The following MIAT variants were observed in gnomAD, a reference collection of about 807,000 sequenced individuals.
The protein encoded by MIAT is myocardial infarction associated transcript, also known as MI related novel mRNA.
rs184712736 is a variant in MIAT, at chr22:26,661,416, C to T, written n.647-1900C>T. The stretch of plus-strand genomic sequence containing the variant: ...GCCAGGTGGGCCCCTCTGGAAGCTA[C>T]CAGATGAGTCATGGAAGGGAGGCGG... On this transcript the variant is annotated intron_variant and non_coding_transcript_variant, in intron 2 of 5. Transcript: ENST00000643270. Among the ~76,000 whole-genome samples, 313 of 152,174 alleles carry T rather than the reference C, an allele frequency of 2.1e-3. 1 individual carries two copies. The highest frequency in any genetic ancestry group is 3.2e-3 in the Admixed American group (49 of 15,296).
chr22:26,646,760 A>T, exon 1 of MIAT: 1 of 398,676 alleles, frequency 2.5e-6, no homozygotes, highest in Non-Finnish European at 4.4e-6. Context: ...TATTTGCCCC[A>T]AACTGTCTTA....
downstream of MIAT, chr22:26,674,050 ACC>A (rs1158409526): frequency 1.0e-5 from 4 of 398,484 alleles, no homozygotes; most frequent in Non-Finnish European, 1.8e-5. Flanking sequence ...GTATAGAGTC[ACC>A]CTTCCCCAGG....
At chr22:26,663,643 G>A in intron 3 of MIAT, 1 of 370,962 alleles carries the variant, frequency 2.7e-6, no homozygotes, top group Non-Finnish European at 4.8e-6. Flanking sequence ...GCTCACAACT[G>A]GTTCTTTGTG....
At chr22:26,655,275 A>G (rs1355289985) in intron 2 of MIAT, among the ~76,000 whole-genome samples, 3 of 152,076 alleles carry the variant, frequency 2.0e-5, no homozygotes, top group Non-Finnish European at 4.4e-5. Context: ...TTGGGTTTGT[A>G]TTTTCTGAAG....
intron 2 of MIAT, among the ~76,000 whole-genome samples, chr22:26,652,271 C>A (rs759509776): frequency 6.6e-6 from 1 of 152,228 alleles, no homozygotes; most frequent in Non-Finnish European, 1.5e-5. Context: ...CTCAACCTGA[C>A]AAAGCGTTGG....
At chr22:26,652,356 A>G (rs1930350785) in intron 2 of MIAT, among the ~76,000 whole-genome samples, 1 of 150,176 alleles carries the variant, frequency 6.7e-6, no homozygotes, top group African/African-American at 2.5e-5. Flanking sequence ...TTATTTATTC[A>G]TTCATTTATT....
chr22:26,669,565 A>G (rs1930969912), exon 6 of MIAT: 1 of 398,574 alleles, frequency 2.5e-6, no homozygotes, highest in African/African-American at 2.1e-5. Context: ...TAAAGGTCCC[A>G]TCTCCAAAAA....
At chr22:26,665,436 T>C in intron 3 of MIAT, 1 of 398,692 alleles carries the variant, frequency 2.5e-6, no homozygotes, top group African/African-American at 2.1e-5. Context: ...CTCCATCACC[T>C]TATTAATATC....
chr22:26,669,431 C>T (rs1220372352), exon 6 of MIAT: 1 of 398,638 alleles, frequency 2.5e-6, no homozygotes, highest in Non-Finnish European at 4.4e-6. Flanking sequence ...CCTCACATGG[C>T]CTTTTCTCTG....
intron 2 of MIAT, among the ~76,000 whole-genome samples, chr22:26,648,207 G>A (rs992835243): frequency 2.6e-5 from 4 of 152,250 alleles, no homozygotes; most frequent in African/African-American, 9.6e-5. Context: ...CTGCTGGGGC[G>A]ACTGGGAGGG....
intron 4 of MIAT, chr22:26,666,975 G>T: frequency 2.5e-6 from 1 of 398,520 alleles, no homozygotes. Context: ...AGGGAGGGAG[G>T]TCACATGGAG....
intron 2 of MIAT, among the ~76,000 whole-genome samples, chr22:26,649,319 C>T (rs949204459): frequency 3.3e-5 from 5 of 152,292 alleles, no homozygotes; most frequent in African/African-American, 7.2e-5. Context: ...ATTCACTGCC[C>T]GCCCTGGCTG....
At chr22:26,672,449 T>TAA (rs1176792893), downstream of MIAT, 1 of 399,258 alleles carries the variant, frequency 2.5e-6, no homozygotes, top group Non-Finnish European at 4.4e-6. Flanking sequence ...GGCTGGACTC[T>TAA]GAGTATGACA....
At chr22:26,666,400 G>A in exon 4 of MIAT, 1 of 398,680 alleles carries the variant, frequency 2.5e-6, no homozygotes, top group Non-Finnish European at 4.4e-6. Flanking sequence ...AAAAATAACT[G>A]AGGCTGGGCA....
At chr22:26,649,836 C>A (rs990312251) in intron 2 of MIAT, among the ~76,000 whole-genome samples, 2 of 152,222 alleles carry the variant, frequency 1.3e-5, no homozygotes. Flanking sequence ...TTGCTTGAAC[C>A]TGGGAGGCAG....
At chr22:26,659,744 T>A (rs773979274) in intron 2 of MIAT, among the ~76,000 whole-genome samples, 1 of 151,272 alleles carries the variant, frequency 6.6e-6, no homozygotes, top group African/African-American at 2.4e-5. Context: ...ATTCAATAAG[T>A]TTAATAAAAT....
chr22:26,657,433 G>A, intron 2 of MIAT: 1 of 398,516 alleles, frequency 2.5e-6, no homozygotes, highest in Non-Finnish European at 4.4e-6. Context: ...GGGGTGGGGC[G>A]CCTCCGCCCG....
downstream of MIAT, chr22:26,673,089 A>C (rs974719159): frequency 2.0e-5 from 8 of 398,442 alleles, no homozygotes; most frequent in Non-Finnish European, 3.5e-5. Flanking sequence ...GGGTGTGGGG[A>C]GGGGAAGCAG....
intron 2 of MIAT, among the ~76,000 whole-genome samples, chr22:26,652,302 G>A (rs1254877339): frequency 6.6e-6 from 1 of 152,096 alleles, no homozygotes; most frequent in Non-Finnish European, 1.5e-5. Context: ...GTGAGGCATT[G>A]TGCCCGACCT....
Sources: gnomAD v4.1 joint callset for allele counts (sites outside exome capture counted in the v4.1 genomes callset) on GRCh38, gnomAD v4.1.1 for gene constraint, MANE v1.5 for transcripts, NCBI Gene and HGNC (gene_info 2026-07-23, HGNC 2026-07-21) for gene names.